The following CIC variants were observed in gnomAD, a reference collection of about 807,000 sequenced individuals.
The protein encoded by CIC is capicua transcriptional repressor, also known as protein capicua homolog.
Under a neutral mutation model 115.7 loss-of-function variants are expected in CIC, and 18 were observed. The ratio of observed to expected loss-of-function variants is 0.16; its 90% CI spans 0.11 to 0.23. The LOEUF is 0.23. Ranked by LOEUF, CIC falls within the 10% of genes least tolerant of loss-of-function variation. CIC has a pLI of 1.00. For missense variants in CIC, 2,000 were observed against 2,159.3 expected (o/e 0.93, Z 1.46); for synonymous variants, 1,076 against 923.0 (o/e 1.17, Z -3.01).
intron 2 of CIC, chr19:42,284,418 G>T (rs2037452343): frequency 1.4e-5 from 2 of 145,250 alleles, no homozygotes; most frequent in African/African-American, 4.9e-5. Context: ...CGTGCCGCGC[G>T]CCCCGTGACG....
At position 42,274,593 on chromosome 19, in the gene CIC, G is replaced by A; in HGVS notation, c.2794+16G>A. On this transcript the variant is annotated intron_variant, in intron 2 of 20. Coordinates refer to ENST00000681038, the MANE Select transcript of CIC (RefSeq NM_001386298.1). ...CCTGGAACAGGTAAGAGGTGGAAGTGGATGGGCTGCGCCAGGCTCACCTCG... is the reference window on the plus strand; with the variant it reads ...CCTGGAACAGGTAAGAGGTGGAAGTAGATGGGCTGCGCCAGGCTCACCTCG... 5.0e-6 allele frequency: 2 copies of A among 398,706 alleles called. No homozygotes were observed. Among genetic ancestry groups the A allele is most frequent in the Non-Finnish European group, 8.8e-6 (2 of 226,100 alleles). The allele number at this position is 398,706 out of a possible 1,614,324, so 24.7% of individuals were successfully genotyped here.
At position 42,273,666 on chromosome 19, in the gene CIC, C is replaced by T; in HGVS notation, c.1883C>T (p.Ala628Val). 1 of 398,898 alleles carries T rather than the reference C, an allele frequency of 2.5e-6. No individual in the cohort carries two copies. 24.7% of individuals were successfully genotyped at this position (398,898 alleles called of 1,614,324 possible). Residue 628 changes from alanine (A) to valine (V), a missense_variant, in exon 2 of 21, where the codon GCC becomes GTC. Physicochemically the swap from Ala to Val is moderately conservative, Grantham distance 64 (BLOSUM62 0). This residue lies in a region of CIC where 222 missense variants were observed against 247.7 expected (regional missense o/e 0.90). Transcript: ENST00000681038. ...TCCACTCAATCGCCCTTCTCGCCAGCCCCATCACCCTCACCCTCACCACTC... is the reference window on the plus strand; with the variant it reads ...TCCACTCAATCGCCCTTCTCGCCAGTCCCATCACCCTCACCCTCACCACTC... The part of the protein sequence containing the change: ...PVSTQSPFSP[A>V]PSPSPSPLFG...
In CIC at chr19:42,291,375, C is replaced by T. The variant is rs1213086504; in HGVS notation, c.5334C>T (p.Gly1778=). The T allele has an allele frequency of 2.5e-6, 4 of 1,612,446 alleles. No homozygotes were observed. The highest frequency in any genetic ancestry group is 3.4e-6 in the Non-Finnish European group (4 of 1,179,760). ...GCATCCGTTTCACCCTCCCACCGGG[C>T]ACTTCCACCAACGGCAAAGTCCTGG... ...TTSIRFTLPP[G]TSTNGKVLAA... is the part of the protein sequence containing the mutation. The change falls in exon 11 of 21, where the codon GGC becomes GGT. Residue 1778 remains glycine (G), a synonymous_variant. Coordinates refer to ENST00000681038, the MANE Select transcript of CIC (RefSeq NM_001386298.1).
Position 42,291,114 on chromosome 19 carries a change from C to T in CIC, c.5073C>T (p.Ala1691=), listed in dbSNP as rs780116594. The T allele has an allele frequency of 3.1e-6, 5 of 1,610,172 alleles. No individual in the cohort carries two copies. The highest frequency in any genetic ancestry group is 1.1e-5 in the South Asian group (1 of 91,034). The part of the protein sequence containing the change: ...APAPPAVQFI[A]QGAPGGGTTA... ...CGCCCCCTGCTGTCCAGTTCATTGC[C>T]CAGGGGGCCCCTGGTGGTGGGACCA... The change falls in exon 11 of 21, where the codon GCC becomes GCT. Residue 1691 remains alanine, a synonymous_variant. Transcript: ENST00000681038.
intron 7 of CIC, 91 bp downstream of exon 7, chr19:42,288,066 G>T: frequency 7.1e-7 from 1 of 1,401,902 alleles, no homozygotes; most frequent in Admixed American, 2.0e-5. Flanking sequence ...TGCCCCAGCA[G>T]CTCCTCTCTG....
chr19:42,283,006 G>T (rs578007386), intron 2 of CIC, among the ~76,000 whole-genome samples: 74 of 152,232 alleles, frequency 4.9e-4, no homozygotes, highest in Non-Finnish European at 8.2e-4. Flanking sequence ...TGTCAGGGTG[G>T]GTGGCTGAAT....
At chr19:42,285,178 A>C (rs895511325) in intron 2 of CIC, among the ~76,000 whole-genome samples, 18 of 152,070 alleles carry the variant, frequency 1.2e-4, no homozygotes, top group Admixed American at 1.3e-4. Context: ...TCAGAGTGAC[A>C]GGCTGCAGTG....
chr19:42,294,575 C>A (rs2038381460), intron 19 of CIC, 29 bp from the exon 20 acceptor site: 1 of 1,612,244 alleles, frequency 6.2e-7, no homozygotes. Flanking sequence ...GCTGCTGCAG[C>A]CTTGCCATGC....
At chr19:42,294,773 G>A in intron 20 of CIC, 38 bp downstream of exon 20, 2 of 1,610,312 alleles carry the variant, frequency 1.2e-6, no homozygotes, top group Non-Finnish European at 1.7e-6. Context: ...ACTCGGGTGG[G>A]ACTTATCTGT....
At chr19:42,288,016 C>T (rs1424923074) in intron 7 of CIC, 41 bp downstream of exon 7, 2 of 1,556,092 alleles carry the variant, frequency 1.3e-6, no homozygotes, top group Middle Eastern at 1.8e-4. Context: ...CCACCTCCCT[C>T]CCCGAGAGCC....
chr19:42,295,093 C>T lies in CIC; in HGVS notation c.7456C>T (p.Pro2486Ser). Residue 2486 changes from proline to serine, a missense_variant, in exon 21 of 21, where the codon CCA becomes TCA. Physicochemically the swap from Pro to Ser is moderately conservative, Grantham distance 74 (BLOSUM62 -1). This residue lies in a region of CIC where 133 missense variants were observed against 116.0 expected (regional missense o/e 1.15). Coordinates refer to ENST00000681038, the MANE Select transcript of CIC (RefSeq NM_001386298.1). The stretch of plus-strand genomic sequence containing the variant: ...GGCCCAGGCTGCCCCGCCACTGCCT[C>T]CACCCCCAGAGTCGGGGCCTGGACA... ...GTAQAAPPLP[P>S]PPESGPGQPG... 1.3e-6 allele frequency: 2 copies of T among 1,528,834 alleles called. No homozygotes were observed. Among genetic ancestry groups the T allele is most frequent in the East Asian group, 2.4e-5 (1 of 40,830 alleles). 94.7% of individuals were successfully genotyped at this position (1,528,834 alleles called of 1,614,324 possible).
intron 2 of CIC, among the ~76,000 whole-genome samples, 181 bp from the exon 3 acceptor site, chr19:42,286,590 A>T (rs1384361630): frequency 1.4e-5 from 2 of 147,712 alleles, no homozygotes; most frequent in East Asian, 4.0e-4. Flanking sequence ...TAAATCTAGA[A>T]ACCTTTCAGG....
In CIC at chr19:42,273,776, G is replaced by A. The variant is rs1235294883; in HGVS notation, c.1993G>A (p.Ala665Thr). 5.0e-6 allele frequency: 2 copies of A among 398,520 alleles called. No homozygotes were observed. The highest frequency in any genetic ancestry group is 8.8e-6 in the Non-Finnish European group (2 of 226,048). 24.7% of individuals were successfully genotyped at this position (398,520 alleles called of 1,614,324 possible). A position where few individuals can be genotyped will look rare whatever the true frequency, so the allele number is the denominator to read the frequency against. ...TGCAGTCCGCAGTCGCCACCTGAGC[G>A]CCAGCACCCCTAAGGCAGGCGTGCT... ...RTAVRSRHLS[A>T]STPKAGVLTP... The change falls in exon 2 of 21, where the codon GCC (alanine) becomes ACC (threonine). Residue 665 changes from alanine (A) to threonine (T), a missense_variant. Ala to Thr is a moderately conservative substitution (Grantham distance 58, BLOSUM62 0). Transcript: ENST00000681038.
rs2037483805 is a variant in CIC, at chr19:42,284,641, G to C, written c.2795-2130G>C. On this transcript the variant is annotated intron_variant, in intron 2 of 20. Coordinates refer to ENST00000681038, the MANE Select transcript of CIC (RefSeq NM_001386298.1). ...CGGCGACGGCCGAGGAGCGGGCTGC[G>C]GGCGGAGCGGCGTCGGCCGCTGAGG... 36 of 1,310,518 alleles carry C rather than the reference G, an allele frequency of 2.7e-5. 1 individual carries two copies. Among genetic ancestry groups the C allele is most frequent in the Non-Finnish European group, 3.8e-5 (36 of 955,780 alleles). The allele number at this position is 1,310,518 out of a possible 1,614,324, so 81.2% of individuals were successfully genotyped here.
chr19:42,286,640 A>G (rs1026771442), intron 2 of CIC, 131 bp from the exon 3 acceptor site: 4 of 1,103,244 alleles, frequency 3.6e-6, no homozygotes, highest in South Asian at 1.3e-5. Flanking sequence ...GACGAGTCCA[A>G]GAGGCTCTGG....
intron 17 of CIC, 30 bp from the exon 18 acceptor site, chr19:42,293,905 G>T: frequency 6.2e-7 from 1 of 1,612,778 alleles, no homozygotes; most frequent in South Asian, 1.1e-5. Flanking sequence ...GCAGGCTGAG[G>T]CGGGGGAGGT....
In CIC at chr19:42,273,478, G is replaced by A. The variant is rs548715593; in HGVS notation, c.1695G>A (p.Ser565=). ...STEFDWGDET[S]RDSEASSVAA... ...AGTTTGACTGGGGTGATGAGACGTCGAGGGACAGTGAGGCCAGCAGTGTGG... is the reference window on the plus strand; with the variant it reads ...AGTTTGACTGGGGTGATGAGACGTCAAGGGACAGTGAGGCCAGCAGTGTGG... The change falls in exon 2 of 21, where the codon TCG becomes TCA. Residue 565 remains serine (S), a synonymous_variant. Transcript: ENST00000681038. 31 of 398,422 alleles carry A rather than the reference G, an allele frequency of 7.8e-5. No individual in the cohort carries two copies. Among genetic ancestry groups the A allele is most frequent in the Non-Finnish European group, 1.3e-4 (29 of 225,988 alleles). The allele number at this position is 398,422 out of a possible 1,614,324, so 24.7% of individuals were successfully genotyped here. A position where few individuals can be genotyped will look rare whatever the true frequency, so the allele number is the denominator to read the frequency against.
At chr19:42,291,782 G>C (rs2147285753) in intron 12 of CIC, 37 bp downstream of exon 12, 1 of 1,609,596 alleles carries the variant, frequency 6.2e-7, no homozygotes, top group South Asian at 1.1e-5. Context: ...GCTGGATGTT[G>C]GCCCCTGTAC....
At chr19:42,286,530 G>A (rs1442607081) in intron 2 of CIC, among the ~76,000 whole-genome samples, 2 of 151,852 alleles carry the variant, frequency 1.3e-5, no homozygotes, top group African/African-American at 4.8e-5. Context: ...GTGGGGGGAG[G>A]AGTGGGGCGT....
Sources: allele counts gnomAD v4.1 joint callset (sites outside exome capture counted in the v4.1 genomes callset), GRCh38; gene constraint gnomAD v4.1.1; regional missense constraint gnomAD v4.1.1; transcripts MANE v1.5; gene names NCBI Gene and HGNC (gene_info 2026-07-23, HGNC 2026-07-21).